STPG2: variants seen among roughly 807,000 people sequenced by gnomAD.
STPG2 encodes the protein sperm-tail PG-rich repeat-containing protein 2.
Under a neutral mutation model 54.2 loss-of-function variants are expected in STPG2, and 56 were observed. The ratio of observed to expected loss-of-function variants is 1.03; its 90% CI spans 0.83 to 1.29. The LOEUF (loss-of-function observed/expected upper bound fraction) is 1.29, where lower values mean the gene tolerates loss of function less well. Ranked by LOEUF, STPG2 falls within the 50% of genes most tolerant of loss-of-function variation. The probability of loss-of-function intolerance (pLI) is 0.00; values close to 1 mark genes in which losing one functional copy is unlikely to be tolerated. For synonymous variants in STPG2, 200 were observed against 181.8 expected, an observed-to-expected ratio of 1.10 and a Z score of -0.81; for missense variants, 596 against 544.9, an observed-to-expected ratio of 1.09 and a Z score of -0.93.
At chr4:97,780,657 C>T (rs1462822621) in intron 9 of STPG2, among the ~76,000 whole-genome samples, 36 of 143,046 alleles carry the variant, frequency 2.5e-4, no homozygotes, top group Non-Finnish European at 4.5e-5. Context: ...CACACTTATT[C>T]CAAAATTGAC....
intron 9 of STPG2, among the ~76,000 whole-genome samples, chr4:97,776,563 T>G (rs1425901980): frequency 6.6e-6 from 1 of 152,162 alleles, no homozygotes; most frequent in Non-Finnish European, 1.5e-5. Context: ...ATGAATGGAT[T>G]AGGGAGAACA....
chr4:97,985,959 C>A (rs1026188554), intron 5 of STPG2, among the ~76,000 whole-genome samples: 5 of 145,118 alleles, frequency 3.4e-5, no homozygotes, highest in African/African-American at 9.9e-5. Context: ...AACACACACA[C>A]ACACACACAC....
At chr4:97,998,486 A>G (rs1441861551) in intron 5 of STPG2, among the ~76,000 whole-genome samples, 1 of 152,218 alleles carries the variant, frequency 6.6e-6, no homozygotes, top group Non-Finnish European at 1.5e-5. Context: ...TACATGCATC[A>G]GAAAAACTAC....
At chr4:97,932,436 T>C (rs1032796713) in intron 8 of STPG2, among the ~76,000 whole-genome samples, 2 of 152,178 alleles carry the variant, frequency 1.3e-5, no homozygotes, top group African/African-American at 2.4e-5. Context: ...AAGTGTGCCA[T>C]GTTGGCTTGC....
At chr4:97,737,591 A>T (rs1010136643) in intron 9 of STPG2, among the ~76,000 whole-genome samples, 7 of 152,222 alleles carry the variant, frequency 4.6e-5, no homozygotes, top group African/African-American at 1.7e-4. Flanking sequence ...TGATGTGATC[A>T]ACTGGAAGAA....
intron 10 of STPG2, among the ~76,000 whole-genome samples, chr4:97,639,925 A>C (rs1249778471): frequency 6.6e-6 from 1 of 152,138 alleles, no homozygotes; most frequent in East Asian, 1.9e-4. Flanking sequence ...CTACGCCAGG[A>C]GCTCTAATAT....
chr4:97,731,831 T>C (rs1467897422), intron 9 of STPG2, among the ~76,000 whole-genome samples: 1 of 152,216 alleles, frequency 6.6e-6, no homozygotes, highest in Non-Finnish European at 1.5e-5. Flanking sequence ...ACTCCTGATC[T>C]GTGTGCACGA....
intron 8 of STPG2, among the ~76,000 whole-genome samples, chr4:97,853,258 G>A (rs1483761422): frequency 1.3e-5 from 2 of 151,624 alleles, no homozygotes; most frequent in African/African-American, 2.4e-5. Flanking sequence ...GAGTCACCGC[G>A]CCCCGCCAAA....
chr4:97,975,594 T>A (rs1448528551), intron 6 of STPG2, among the ~76,000 whole-genome samples: 1 of 152,186 alleles, frequency 6.6e-6, no homozygotes, highest in Non-Finnish European at 1.5e-5. Flanking sequence ...TTGAGTATGT[T>A]GTTTAAAAAA....
intron 5 of STPG2, among the ~76,000 whole-genome samples, chr4:98,058,527 G>A (rs1737550446): frequency 6.6e-6 from 1 of 151,980 alleles, no homozygotes; most frequent in African/African-American, 2.4e-5. Flanking sequence ...TATATATACA[G>A]GTACCCAATG....
At chr4:98,034,333 G>C (rs1344990999) in intron 5 of STPG2, among the ~76,000 whole-genome samples, 3 of 152,104 alleles carry the variant, frequency 2.0e-5, no homozygotes, top group African/African-American at 7.2e-5. Flanking sequence ...AATCAGGAGT[G>C]AACTCCCATT....
chr4:97,979,625 G>A (rs188857669), intron 6 of STPG2, among the ~76,000 whole-genome samples: 6 of 152,132 alleles, frequency 3.9e-5, no homozygotes, highest in East Asian at 3.9e-4. Flanking sequence ...TGTGGCTTAC[G>A]CTTGTAATCC....
At chr4:97,972,473 A>G (rs375120656) in intron 6 of STPG2, 33 bp from the exon 7 acceptor site, 4 of 1,311,970 alleles carry the variant, frequency 3.0e-6, no homozygotes, top group Non-Finnish European at 4.1e-6. Flanking sequence ...ATATAAGAAT[A>G]AGCATGCTTT....
intron 9 of STPG2, among the ~76,000 whole-genome samples, chr4:97,741,094 G>GA (rs1204941509): frequency 1.3e-5 from 2 of 151,960 alleles, no homozygotes; most frequent in Non-Finnish European, 2.9e-5. Flanking sequence ...ACAAACCTGA[G>GA]AAAAATATGC....
At chr4:97,942,059 A>C (rs1209266203) in intron 8 of STPG2, among the ~76,000 whole-genome samples, 1 of 151,806 alleles carries the variant, frequency 6.6e-6, no homozygotes, top group Non-Finnish European at 1.5e-5. Context: ...GTCTTCCTTT[A>C]GAGCAGATGT....
At chr4:98,116,365 T>C (rs1243122832) in intron 3 of STPG2, among the ~76,000 whole-genome samples, 1 of 151,918 alleles carries the variant, frequency 6.6e-6, no homozygotes, top group Admixed American at 6.6e-5. Context: ...GAATACTTAT[T>C]CCAATATGTT....
chr4:98,114,018 A>C (rs1739436825), intron 3 of STPG2, among the ~76,000 whole-genome samples: 1 of 150,680 alleles, frequency 6.6e-6, no homozygotes, highest in Non-Finnish European at 1.5e-5. Context: ...AGCACGGAGA[A>C]ACCCTAGCAT....
intron 1 of STPG2, among the ~76,000 whole-genome samples, chr4:98,142,777 G>C (rs1409041485): frequency 6.6e-6 from 1 of 152,134 alleles, no homozygotes; most frequent in East Asian, 1.9e-4. Flanking sequence ...GACCTAAACT[G>C]CACAATCAAA....
chr4:97,597,685 C>T (rs529034480), intron 10 of STPG2, among the ~76,000 whole-genome samples: 1 of 151,984 alleles, frequency 6.6e-6, no homozygotes, highest in Non-Finnish European at 1.5e-5. Flanking sequence ...ATTCAACATC[C>T]CTTCATGTTA....
Sources: allele counts gnomAD v4.1 joint callset (sites outside exome capture counted in the v4.1 genomes callset), GRCh38; gene constraint gnomAD v4.1.1; transcripts MANE v1.5; gene names NCBI Gene and HGNC (gene_info 2026-07-23, HGNC 2026-07-21).